The following GC variants were observed in gnomAD, a reference collection of about 807,000 sequenced individuals.
GC encodes the protein GC vitamin D binding protein.
GC carries 43 observed loss-of-function variants against 56.7 expected under a neutral mutation model. That is an observed-to-expected ratio of 0.76 (90% confidence interval 0.59 to 0.98). The LOEUF is 0.98. Among genes scored for constraint, GC ranks in the 50% least tolerant of loss-of-function variants. The pLI is 0.00. For synonymous variants in GC, 216 were observed against 202.7 expected, an observed-to-expected ratio of 1.07 and a Z score of -0.56; for missense variants, 529 against 545.9, an observed-to-expected ratio of 0.97 and a Z score of 0.31.
intron 1 of GC, among the ~76,000 whole-genome samples, chr4:71,791,828 C>T (rs974465068): frequency 2.0e-5 from 3 of 152,034 alleles, no homozygotes; most frequent in African/African-American, 4.8e-5. Flanking sequence ...CCCCTACTCC[C>T]TGACAGGCCC....
intron 6 of GC, 111 bp from the exon 7 acceptor site, chr4:71,758,282 C>T (rs1413920160): frequency 1.1e-6 from 1 of 896,826 alleles, no homozygotes; most frequent in Non-Finnish European, 1.7e-6. Flanking sequence ...TCCTTGGCCT[C>T]AAGAGATGCA....
chr4:71,750,503 G>T (rs906701981), intron 11 of GC, among the ~76,000 whole-genome samples: 2 of 152,154 alleles, frequency 1.3e-5, no homozygotes, highest in Non-Finnish European at 2.9e-5. Context: ...ATTTTTAAAT[G>T]CAGTCTAATA....
At chr4:71,803,534 T>C (rs1312043817) in intron 1 of GC, among the ~76,000 whole-genome samples, 4 of 152,190 alleles carry the variant, frequency 2.6e-5, no homozygotes, top group Non-Finnish European at 5.9e-5. Context: ...GAGAAATGAA[T>C]CCAATTAAAT....
chr4:71,768,743 C>T (rs1021554240), intron 2 of GC, among the ~76,000 whole-genome samples: 7 of 152,224 alleles, frequency 4.6e-5, no homozygotes, highest in African/African-American at 1.7e-4. Context: ...GGATTACAGG[C>T]GTGAGCCGCC....
chr4:71,768,176 C>T lies in GC; in HGVS notation c.261+125G>A, dbSNP rs564487405. Reference sequence around the variant, plus strand: ...ACCAGGCTGTAAACACAACAGGCTTCATATTTCCCCCAAACTAGGAGTAAA... The same window carrying T: ...ACCAGGCTGTAAACACAACAGGCTTTATATTTCCCCCAAACTAGGAGTAAA... On this transcript the variant is annotated intron_variant, in intron 3 of 12. Coordinates refer to ENST00000273951, the MANE Select transcript of GC (RefSeq NM_000583.4). 1.9e-5 allele frequency: 13 copies of T among 693,888 alleles called. No homozygotes were observed. In the East Asian group the frequency reaches 2.0e-4, roughly 11 times the overall value. 43.0% of individuals were successfully genotyped at this position (693,888 alleles called of 1,614,324 possible). A position where few individuals can be genotyped will look rare whatever the true frequency, so the allele number is the denominator to read the frequency against.
rs1262632160 is a variant in GC at position 71,751,323 on chromosome 4, C to T, written c.1395+1195G>A. On this transcript the variant is annotated intron_variant, in intron 11 of 12. Coordinates refer to ENST00000273951, the MANE Select transcript of GC (RefSeq NM_000583.4). ...GTCTACTAACAATGGGCCCACACAA[C>T]CTACCTGAGGTCTCCTCCCCTCTCT... Among the ~76,000 whole-genome samples the T allele has an allele frequency of 3.3e-5, 5 of 152,160 alleles. No homozygotes were observed. The East Asian group carries it at 9.6e-4, about 29-fold the overall frequency.
chr4:71,754,606 A>G (rs984077044), intron 9 of GC, 98 bp from the exon 10 acceptor site: 2 of 713,448 alleles, frequency 2.8e-6, no homozygotes, highest in African/African-American at 3.6e-5. Context: ...ATCATTAAGC[A>G]TTGGCAACTA....
chr4:71,787,512 C>T (rs1340904346), upstream of GC, among the ~76,000 whole-genome samples: 1 of 151,770 alleles, frequency 6.6e-6, no homozygotes, highest in Non-Finnish European at 1.5e-5. Flanking sequence ...ATTGGTACTA[C>T]CATATCAAAA....
chr4:71,773,720 A>G (rs924849901), intron 1 of GC, among the ~76,000 whole-genome samples: 1 of 152,014 alleles, frequency 6.6e-6, no homozygotes, highest in African/African-American at 2.4e-5. Flanking sequence ...GACATAAATA[A>G]GTGCTCGTAC....
intron 7 of GC, 107 bp downstream of exon 7, chr4:71,757,935 C>G: frequency 1.3e-6 from 1 of 787,162 alleles, no homozygotes; most frequent in Non-Finnish European, 2.0e-6. Flanking sequence ...ATGTAAGCAT[C>G]CGTTAGGATA....
At chr4:71,803,896 T>G (rs920524641) in intron 1 of GC, 13 of 1,362,592 alleles carry the variant, frequency 9.5e-6, no homozygotes, top group Non-Finnish European at 1.3e-5. Flanking sequence ...CAATGGTAAC[T>G]TGAAATTATT....
chr4:71,751,530 A>T lies in GC; in HGVS notation c.1395+988T>A, dbSNP rs1314146235. 2.0e-5 allele frequency among the ~76,000 whole-genome samples: 3 copies of T among 152,250 alleles called. No homozygotes were observed. In the East Asian group the frequency reaches 5.8e-4, roughly 29 times the overall value. ...CTGCTGGTGTTTTGCACAAATTAAA[A>T]AATAAATGATCTGGCAATTATGCAA... On this transcript the variant is annotated intron_variant, in intron 11 of 12. Transcript: ENST00000273951.
At position 71,752,639 on chromosome 4, in the gene GC, C is replaced by T. The variant is rs748679673; in HGVS notation, c.1274G>A (p.Arg425Gln). Reference sequence around the variant, plus strand: ...GGCATCAGGCAATTTTGCTTTTAGTCGCTCTGCCAGTCTGAAAAACCATTT... The same window carrying T: ...GGCATCAGGCAATTTTGCTTTTAGTTGCTCTGCCAGTCTGAAAAACCATTT... ...FTEYKKKLAE[R>Q]LKAKLPDATP... Residue 425 changes from arginine to glutamine, a missense_variant, in exon 11 of 13, where the codon CGA (arginine) becomes CAA (glutamine). Coordinates refer to ENST00000273951, the MANE Select transcript of GC (RefSeq NM_000583.4). 60 of 1,613,118 alleles carry T rather than the reference C, an allele frequency of 3.7e-5. No individual in the cohort carries two copies. The highest frequency in any genetic ancestry group is 1.1e-4 in the East Asian group (5 of 44,856).
At chr4:71,796,700 T>TC (rs1483617593) in intron 1 of GC, among the ~76,000 whole-genome samples, 2 of 152,218 alleles carry the variant, frequency 1.3e-5, no homozygotes, top group African/African-American at 2.4e-5. Flanking sequence ...CCAACTTTTT[T>TC]CCGTTGCTGG....
upstream of GC, among the ~76,000 whole-genome samples, chr4:71,804,548 A>C (rs1743319774): frequency 6.6e-6 from 1 of 151,972 alleles, no homozygotes; most frequent in Non-Finnish European, 1.5e-5. Context: ...TCTGCCCTCC[A>C]GATGAGGTAT....
intron 6 of GC, among the ~76,000 whole-genome samples, chr4:71,760,297 C>T (rs1431064693): frequency 1.3e-5 from 2 of 151,908 alleles, no homozygotes; most frequent in African/African-American, 2.4e-5. Context: ...TGTGAACCAC[C>T]TGCTTTGGCC....
chr4:71,753,440 GC>G (rs1367200936), intron 10 of GC, among the ~76,000 whole-genome samples: 1 of 150,266 alleles, frequency 6.7e-6, no homozygotes, highest in Non-Finnish European at 1.5e-5. Context: ...GTAGGTTTGA[GC>G]TGCCGGGGGG....
chr4:71,758,577 T>C (rs537335744), intron 6 of GC, among the ~76,000 whole-genome samples: 19 of 152,202 alleles, frequency 1.2e-4, no homozygotes, highest in Non-Finnish European at 2.2e-4. Flanking sequence ...TAGAGACCTG[T>C]AGCTTTACAC....
At chr4:71,752,714 A>G in intron 10 of GC, 64 bp from the exon 11 acceptor site, 1 of 1,322,504 alleles carries the variant, frequency 7.6e-7, no homozygotes, top group Non-Finnish European at 1.1e-6. Flanking sequence ...TTTCTAATGC[A>G]AAATAATAGC....
Sources: gnomAD v4.1 joint callset for allele counts (sites outside exome capture counted in the v4.1 genomes callset) on GRCh38, gnomAD v4.1.1 for gene constraint, MANE v1.5 for transcripts, NCBI Gene and HGNC (gene_info 2026-07-23, HGNC 2026-07-21) for gene names.